CNTNAP2: variants seen among roughly 807,000 people sequenced by gnomAD.
CNTNAP2 encodes the protein contactin-associated protein-like 2.
CNTNAP2 carries 98 observed loss-of-function variants against 155.2 expected under a neutral mutation model. That is an observed-to-expected ratio of 0.63 (90% confidence interval 0.54 to 0.75). The LOEUF (loss-of-function observed/expected upper bound fraction) is 0.75. Among genes scored for constraint, CNTNAP2 ranks in the 30% least tolerant of loss-of-function variants. The pLI, the probability that CNTNAP2 is intolerant of heterozygous loss-of-function variation, is 0.00. For synonymous variants in CNTNAP2, 651 were observed against 631.2 expected, an observed-to-expected ratio of 1.03 and a Z score of -0.47; for missense variants, 1,727 against 1,688.1, an observed-to-expected ratio of 1.02 and a Z score of -0.40.
rs572046115 is a variant in CNTNAP2, at chr7:146,600,836, A to G, written c.98-173435A>G. 5.3e-5 allele frequency among the ~76,000 whole-genome samples: 8 copies of G among 152,266 alleles called. 1 individual carries two copies. In the South Asian group the frequency reaches 1.5e-3, roughly 28 times the overall value. ...CTGGTCAGTAAATTTGCTTTATTTTATACTGAAATATATTGCTCTAAGCCA... is the reference window on the plus strand; with the variant it reads ...CTGGTCAGTAAATTTGCTTTATTTTGTACTGAAATATATTGCTCTAAGCCA... On this transcript the variant is annotated intron_variant, in intron 1 of 23. Coordinates refer to ENST00000361727, the MANE Select transcript of CNTNAP2 (RefSeq NM_014141.6).
At chr7:146,465,483 G>A (rs1372700949) in intron 1 of CNTNAP2, among the ~76,000 whole-genome samples, 1 of 152,106 alleles carries the variant, frequency 6.6e-6, no homozygotes, top group Non-Finnish European at 1.5e-5. Flanking sequence ...TTTTAGTGAG[G>A]TGTGTAGGGT....
intron 1 of CNTNAP2, among the ~76,000 whole-genome samples, chr7:146,245,932 T>C (rs536494956): frequency 6.7e-4 from 78 of 116,210 alleles, no homozygotes; most frequent in African/African-American, 4.8e-3. Context: ...GGATAGGGTT[T>C]GGCACCATGA....
chr7:146,148,106 A>G (rs1526077), intron 1 of CNTNAP2, among the ~76,000 whole-genome samples: 2,323 of 152,226 alleles, frequency 0.015, 51 homozygotes, highest in African/African-American at 0.052. Flanking sequence ...TTTTACTTCT[A>G]TAGTGCTCAC....
At chr7:146,643,877 G>A (rs111786684) in intron 1 of CNTNAP2, among the ~76,000 whole-genome samples, 26,157 of 149,628 alleles carry the variant, frequency 0.17, 2,905 homozygotes, top group East Asian at 0.47. Context: ...GGTCCTTCAC[G>A]TCTCTTGTAA....
intron 3 of CNTNAP2, among the ~76,000 whole-genome samples, chr7:146,905,327 G>A (rs549672603): frequency 1.3e-5 from 2 of 152,012 alleles, no homozygotes; most frequent in Admixed American, 6.6e-5. Flanking sequence ...CTGAGACTCA[G>A]AGAACTGGGA....
intron 10 of CNTNAP2, among the ~76,000 whole-genome samples, chr7:147,443,425 T>C (rs1240505967): frequency 6.6e-6 from 1 of 152,130 alleles, no homozygotes; most frequent in African/African-American, 2.4e-5. Flanking sequence ...TGGCAATTAG[T>C]GGCAATAGTC....
At chr7:146,307,162 A>G (rs185944064) in intron 1 of CNTNAP2, among the ~76,000 whole-genome samples, 1 of 152,292 alleles carries the variant, frequency 6.6e-6, no homozygotes, top group African/African-American at 2.4e-5. Context: ...TGCAAAAATC[A>G]CAAGTATTCT....
In CNTNAP2 at chr7:147,108,338, A is replaced by G. The variant is rs777796302; in HGVS notation, c.742A>G (p.Ser248Gly). 2 of 1,613,328 alleles carry G rather than the reference A, an allele frequency of 1.2e-6. No homozygotes were observed. The highest frequency in any genetic ancestry group is 2.2e-5 in the East Asian group (1 of 44,824). Reference protein sequence around the residue: ...LELKKAKLVLSLNLGSNQLGP... With the variant: ...LELKKAKLVLGLNLGSNQLGP... ...ACTGAAAAAAGCCAAGCTGGTCCTCAGTTTAAACTTAGGTGTGTTCTGACT... is the reference window on the plus strand; with the variant it reads ...ACTGAAAAAAGCCAAGCTGGTCCTCGGTTTAAACTTAGGTGTGTTCTGACT... The change falls in exon 5 of 24, where the codon AGT becomes GGT. Residue 248 changes from serine to glycine, a missense_variant. Physicochemically the swap from Ser to Gly is moderately conservative, Grantham distance 56. Coordinates refer to ENST00000361727, the MANE Select transcript of CNTNAP2 (RefSeq NM_014141.6).
At chr7:147,396,973 A>G (rs1796826825) in intron 10 of CNTNAP2, among the ~76,000 whole-genome samples, 2 of 152,182 alleles carry the variant, frequency 1.3e-5, no homozygotes, top group African/African-American at 2.4e-5. Context: ...AAGTCACTCA[A>G]AAATGAATTT....
intron 21 of CNTNAP2, among the ~76,000 whole-genome samples, chr7:148,296,832 C>T (rs927828970): frequency 3.3e-5 from 5 of 151,976 alleles, no homozygotes; most frequent in Non-Finnish European, 5.9e-5. Flanking sequence ...AGAACAAGAC[C>T]GACGAAAAAG....
At chr7:146,973,774 T>G (rs1316078092) in intron 3 of CNTNAP2, among the ~76,000 whole-genome samples, 1 of 152,192 alleles carries the variant, frequency 6.6e-6, no homozygotes, top group Non-Finnish European at 1.5e-5. Context: ...CCTCTCATAT[T>G]CTTCCCAATT....
rs559461814 is a variant in CNTNAP2 at position 147,207,523 on chromosome 7, T to G, written c.1348+75014T>G. 5.4e-4 allele frequency among the ~76,000 whole-genome samples: 83 copies of G among 152,296 alleles called. 2 individuals carry two copies. In the South Asian group the frequency reaches 0.017, roughly 32 times the overall value. On this transcript the variant is annotated intron_variant, in intron 8 of 23. Coordinates refer to ENST00000361727, the MANE Select transcript of CNTNAP2 (RefSeq NM_014141.6). ...ATCATTCTATTCAAGTTCAACTTTA[T>G]AGTAAAACTAAAGATTTTCTAAATC...
chr7:147,231,903 T>G (rs755200056), intron 8 of CNTNAP2, among the ~76,000 whole-genome samples: 14 of 152,236 alleles, frequency 9.2e-5, no homozygotes, highest in Non-Finnish European at 1.6e-4. Context: ...AATTGATTTT[T>G]GTTTTTGTTT....
At chr7:147,379,896 C>T (rs1348604112) in intron 9 of CNTNAP2, among the ~76,000 whole-genome samples, 1 of 152,058 alleles carries the variant, frequency 6.6e-6, no homozygotes, top group African/African-American at 2.4e-5. Flanking sequence ...CATCAGCTAA[C>T]ACCCTGAATT....
chr7:146,876,873 T>C (rs1795439790), intron 3 of CNTNAP2, among the ~76,000 whole-genome samples: 1 of 152,194 alleles, frequency 6.6e-6, no homozygotes, highest in Admixed American at 6.6e-5. Context: ...TCCTCTGTCA[T>C]ACCCATGCAT....
chr7:148,163,991 G>A (rs546029920), intron 17 of CNTNAP2, among the ~76,000 whole-genome samples: 23 of 152,246 alleles, frequency 1.5e-4, no homozygotes, highest in South Asian at 6.2e-4. Context: ...CTGGAGTGCC[G>A]TGGCACAATC....
chr7:148,368,321 C>T (rs1473859472), intron 21 of CNTNAP2, among the ~76,000 whole-genome samples: 1 of 152,162 alleles, frequency 6.6e-6, no homozygotes, highest in Non-Finnish European at 1.5e-5. Flanking sequence ...TCTGCAAATG[C>T]AGGGAGAGTT....
intron 13 of CNTNAP2, among the ~76,000 whole-genome samples, chr7:147,782,448 T>C (rs1393794661): frequency 3.3e-5 from 5 of 152,148 alleles, no homozygotes. Flanking sequence ...TGCTCATTGT[T>C]TGGGAGGCTG....
chr7:147,554,591 C>CT (rs149733916), intron 11 of CNTNAP2, among the ~76,000 whole-genome samples: 435 of 152,084 alleles, frequency 2.9e-3, no homozygotes, highest in African/African-American at 9.9e-3. Context: ...GAAACTTTGT[C>CT]TTTTTTAAAA....
Sources: gnomAD v4.1 joint callset for allele counts (sites outside exome capture counted in the v4.1 genomes callset) on GRCh38, gnomAD v4.1.1 for gene constraint, MANE v1.5 for transcripts, NCBI Gene and HGNC (gene_info 2026-07-23, HGNC 2026-07-21) for gene names.